PRKG1: variants seen among roughly 807,000 people sequenced by gnomAD.
PRKG1 encodes protein kinase cGMP-dependent 1.
In PRKG1, 35 loss-of-function variants were observed where a neutral mutation model predicts 88.1. The observed-to-expected ratio is 0.40, with a 90% CI of 0.30 to 0.53. PRKG1 has a LOEUF of 0.53. Ranked by LOEUF, PRKG1 falls within the 20% of genes least tolerant of loss-of-function variation. The pLI, the probability that PRKG1 is intolerant of heterozygous loss-of-function variation, is 0.59. For missense variants in PRKG1, 540 were observed against 839.8 expected (o/e 0.64, Z 4.41); for synonymous variants, 303 against 292.5 (o/e 1.04, Z -0.37).
intron 8 of PRKG1, among the ~76,000 whole-genome samples, chr10:52,154,268 C>A (rs1838025018): frequency 1.3e-5 from 2 of 152,158 alleles, no homozygotes; most frequent in Admixed American, 1.3e-4. Context: ...GACTTGTATG[C>A]AGCTTTTACC....
intron 4 of PRKG1, among the ~76,000 whole-genome samples, chr10:51,897,220 C>G (rs1841873707): frequency 6.6e-6 from 1 of 152,176 alleles, no homozygotes; most frequent in Non-Finnish European, 1.5e-5. Context: ...AATCCTTCAT[C>G]AATATGGATT....
chr10:51,589,589 C>T (rs1295505165), intron 3 of PRKG1, among the ~76,000 whole-genome samples: 1 of 152,132 alleles, frequency 6.6e-6, no homozygotes, highest in Non-Finnish European at 1.5e-5. Flanking sequence ...TGCCACTGCA[C>T]TCCAGCCTGG....
intron 2 of PRKG1, among the ~76,000 whole-genome samples, chr10:51,218,891 G>C (rs1838450262): frequency 6.6e-6 from 1 of 151,830 alleles, no homozygotes; most frequent in South Asian, 2.1e-4. Flanking sequence ...AAGGAAGGAA[G>C]AAGATAGCAT....
In PRKG1 at chr10:51,524,390, A is replaced by G. The variant is rs1429505312; in HGVS notation, c.592+56554A>G. ...AAATAGTAAAAACTGTAGGTTTTGT[A>G]GTAGTCTCTGTTGGAACTATTCAAA... On this transcript the variant is annotated intron_variant, in intron 3 of 17. Transcript: ENST00000373980. 2.6e-5 allele frequency among the ~76,000 whole-genome samples: 4 copies of G among 152,196 alleles called. No individual in the cohort carries two copies. In the East Asian group the frequency reaches 5.8e-4, roughly 22 times the overall value.
intron 4 of PRKG1, among the ~76,000 whole-genome samples, chr10:51,852,242 C>T (rs1037456979): frequency 2.7e-4 from 40 of 145,968 alleles, no homozygotes; most frequent in African/African-American, 9.1e-4. Flanking sequence ...CACACACACA[C>T]GTCATATATA....
intron 2 of PRKG1, among the ~76,000 whole-genome samples, chr10:51,436,373 T>C (rs1838931291): frequency 6.6e-6 from 1 of 151,988 alleles, no homozygotes; most frequent in African/African-American, 2.4e-5. Flanking sequence ...TTGTATTCTC[T>C]TGTCTACCAA....
intron 13 of PRKG1, among the ~76,000 whole-genome samples, chr10:52,281,518 A>C (rs542153670): frequency 1.3e-5 from 2 of 152,268 alleles, no homozygotes; most frequent in South Asian, 2.1e-4. Flanking sequence ...AGAGAAATCA[A>C]ATCAGTGGCA....
chr10:52,107,307 C>A (rs892695238), intron 7 of PRKG1, among the ~76,000 whole-genome samples: 29 of 152,258 alleles, frequency 1.9e-4, no homozygotes, highest in Non-Finnish European at 3.5e-4. Context: ...AGACAAAGAC[C>A]TAAAACATGG....
chr10:51,768,310 A>C (rs187345890), intron 3 of PRKG1, among the ~76,000 whole-genome samples: 1 of 152,128 alleles, frequency 6.6e-6, no homozygotes, highest in Admixed American at 6.6e-5. Flanking sequence ...TGTGCTGGCT[A>C]TATTTTTTGA....
chr10:51,200,974 A>G (rs111450235), intron 2 of PRKG1, among the ~76,000 whole-genome samples: 2,732 of 152,294 alleles, frequency 0.018, 39 homozygotes, highest in Middle Eastern at 0.051. Flanking sequence ...TGCCATAATC[A>G]GTAGTTTGAT....
chr10:51,487,624 G>C (rs1840586810), intron 3 of PRKG1, among the ~76,000 whole-genome samples: 1 of 148,684 alleles, frequency 6.7e-6, no homozygotes, highest in African/African-American at 2.5e-5. Flanking sequence ...TACAGAAAAA[G>C]AGAAGGAAGA....
intron 4 of PRKG1, among the ~76,000 whole-genome samples, chr10:51,822,784 G>A (rs991541402): frequency 1.8e-4 from 27 of 152,248 alleles, no homozygotes; most frequent in Admixed American, 8.5e-4. Flanking sequence ...GTGCATCAGG[G>A]CAGTGCACCC....
chr10:52,066,556 A>G (rs954504048), intron 7 of PRKG1, among the ~76,000 whole-genome samples: 10 of 152,118 alleles, frequency 6.6e-5, no homozygotes, highest in African/African-American at 9.7e-5. Flanking sequence ...TTTGCCTGGC[A>G]GTGGATAGGG....
intron 2 of PRKG1, among the ~76,000 whole-genome samples, chr10:51,280,037 C>T (rs1407753016): frequency 1.3e-5 from 2 of 152,152 alleles, no homozygotes; most frequent in East Asian, 3.8e-4. Flanking sequence ...ATGTTTAGTG[C>T]TTCCTTCAGG....
chr10:51,542,007 C>T (rs139304141), intron 3 of PRKG1, among the ~76,000 whole-genome samples: 192 of 152,218 alleles, frequency 1.3e-3, no homozygotes, highest in African/African-American at 4.2e-3. Flanking sequence ...AGAGACACTC[C>T]AGGCTCTTGA....
chr10:52,121,390 A>G (rs1186890024), intron 7 of PRKG1, among the ~76,000 whole-genome samples: 1 of 152,114 alleles, frequency 6.6e-6, no homozygotes, highest in Non-Finnish European at 1.5e-5. Flanking sequence ...TTCTCTCCCA[A>G]GCATGCTTTA....
At chr10:51,998,493 G>A (rs143406889) in intron 5 of PRKG1, among the ~76,000 whole-genome samples, 171 of 152,092 alleles carry the variant, frequency 1.1e-3, no homozygotes, top group African/African-American at 3.7e-3. Context: ...TGATGCATTT[G>A]GAAAGATGTT....
At chr10:51,730,262 A>C (rs763846092) in intron 3 of PRKG1, among the ~76,000 whole-genome samples, 1 of 152,214 alleles carries the variant, frequency 6.6e-6, no homozygotes, top group African/African-American at 2.4e-5. Flanking sequence ...AAAGTTTGGT[A>C]GCCTCAAGCC....
intron 3 of PRKG1, among the ~76,000 whole-genome samples, chr10:51,512,175 A>G (rs1355569931): frequency 3.8e-5 from 5 of 132,804 alleles, no homozygotes; most frequent in African/African-American, 1.4e-4. Context: ...ATTCTAATTA[A>G]TTTTTTTTTT....
Sources: gnomAD v4.1 joint callset for allele counts (sites outside exome capture counted in the v4.1 genomes callset) on GRCh38, gnomAD v4.1.1 for gene constraint, MANE v1.5 for transcripts, NCBI Gene and HGNC (gene_info 2026-07-23, HGNC 2026-07-21) for gene names.